Variants in C3orf33 observed in about 807,000 individuals in gnomAD.
The protein encoded by C3orf33 is mitochondrial inner membrane subdomain organizer 1.
Under a neutral mutation model 28.7 loss-of-function variants are expected in C3orf33, and 23 were observed. The ratio of observed to expected loss-of-function variants is 0.80; its 90% CI spans 0.58 to 1.13. The LOEUF (loss-of-function observed/expected upper bound fraction) is 1.13. C3orf33 is among the 50% of genes most tolerant of loss of function. The pLI, the probability that C3orf33 is intolerant of heterozygous loss-of-function variation, is 0.00. For missense variants in C3orf33, 327 were observed against 353.4 expected, an observed-to-expected ratio of 0.93 and a Z score of 0.60; for synonymous variants, 119 against 120.5, an observed-to-expected ratio of 0.99 and a Z score of 0.08.
At chr3:155,803,361 C>G (rs979737425) in intron 1 of C3orf33, among the ~76,000 whole-genome samples, 1 of 151,566 alleles carries the variant, frequency 6.6e-6, no homozygotes, top group African/African-American at 2.4e-5. Context: ...GCCAGGAGAT[C>G]GAGACCATCC....
chr3:155,775,910 A>G (rs1186776582), intron 2 of C3orf33, 62 bp from the exon 3 acceptor site: 2 of 1,242,108 alleles, frequency 1.6e-6, no homozygotes, highest in Middle Eastern at 2.6e-4. Flanking sequence ...AAAATTTAAA[A>G]TGTCAAATTA....
intron 2 of C3orf33, among the ~76,000 whole-genome samples, chr3:155,780,783 G>A (rs1018592356): frequency 6.6e-6 from 1 of 152,172 alleles, no homozygotes; most frequent in East Asian, 1.9e-4. Flanking sequence ...AAATTCTGCT[G>A]AAGGCTTCTG....
chr3:155,793,613 C>A (rs1751379953), intron 2 of C3orf33, among the ~76,000 whole-genome samples: 1 of 151,578 alleles, frequency 6.6e-6, no homozygotes, highest in Non-Finnish European at 1.5e-5. Flanking sequence ...GGTCCAAGAC[C>A]AGCCTGGCCA....
chr3:155,765,237 T>C (rs1750368696), intron 4 of C3orf33, among the ~76,000 whole-genome samples: 2 of 152,220 alleles, frequency 1.3e-5, no homozygotes, highest in African/African-American at 4.8e-5. Context: ...ATACAGGCTT[T>C]TCTTCCAGGT....
intron 2 of C3orf33, among the ~76,000 whole-genome samples, chr3:155,800,574 C>T (rs1185630912): frequency 4.2e-5 from 5 of 119,694 alleles, no homozygotes; most frequent in Admixed American, 3.4e-4. Context: ...CATGCCAGTG[C>T]ACTCTAGCCT....
chr3:155,802,566 G>A lies in C3orf33; in HGVS notation c.140C>T (p.Ala47Val), dbSNP rs755082628. Residue 47 changes from alanine (A) to valine (V), a missense_variant, in exon 2 of 5, where the codon GCT (alanine) becomes GTT (valine). Ala to Val is a moderately conservative substitution (Grantham distance 64, BLOSUM62 0). Transcript: ENST00000340171. Reference protein sequence around the residue: ...VRNISTGMAIAGIMLLLRSIR... With the variant: ...VRNISTGMAIVGIMLLLRSIR... Reference sequence around the variant, plus strand: ...GCTTCTCAAAAGTAACATTATTCCAGCTATGGCCATTCCAGTGCTGATGTT... The same window carrying A: ...GCTTCTCAAAAGTAACATTATTCCAACTATGGCCATTCCAGTGCTGATGTT... 6.2e-7 allele frequency: 1 copy of A among 1,601,414 alleles called. No individual in the cohort carries two copies. The highest frequency in any genetic ancestry group is 1.1e-5 in the South Asian group (1 of 88,240).
intron 2 of C3orf33, among the ~76,000 whole-genome samples, chr3:155,791,149 G>T (rs1751302913): frequency 2.0e-5 from 3 of 152,128 alleles, no homozygotes; most frequent in Admixed American, 1.3e-4. Flanking sequence ...GTAGGATAAG[G>T]CACTAGGCAG....
intron 4 of C3orf33, among the ~76,000 whole-genome samples, chr3:155,764,856 G>A (rs953988862): frequency 2.0e-5 from 3 of 151,750 alleles, no homozygotes; most frequent in Admixed American, 6.6e-5. Context: ...ACTCCATCTC[G>A]GGAAAATAAA....
At chr3:155,805,989 C>T in intron 1 of C3orf33, 150 bp downstream of exon 1, 1 of 553,434 alleles carries the variant, frequency 1.8e-6, no homozygotes, top group Non-Finnish European at 3.0e-6. Context: ...ACACGACACT[C>T]GCGATGTCGC....
chr3:155,785,180 T>A (rs1047932768), intron 2 of C3orf33, among the ~76,000 whole-genome samples: 1 of 151,984 alleles, frequency 6.6e-6, no homozygotes, highest in South Asian at 2.1e-4. Flanking sequence ...GAAGCCATAA[T>A]AATTATAAAT....
chr3:155,767,392 T>C, intron 4 of C3orf33, 117 bp downstream of exon 4: 1 of 701,562 alleles, frequency 1.4e-6, no homozygotes, highest in Non-Finnish European at 2.0e-6. Flanking sequence ...CAGTAGCAGT[T>C]TAAAAGGCAA....
At chr3:155,791,573 G>T (rs1228208674) in intron 2 of C3orf33, among the ~76,000 whole-genome samples, 2 of 152,010 alleles carry the variant, frequency 1.3e-5, no homozygotes, top group African/African-American at 4.8e-5. Context: ...TTCTGGATCT[G>T]CCCTGGGCCA....
chr3:155,785,830 G>A (rs1212000590), intron 2 of C3orf33, among the ~76,000 whole-genome samples: 2 of 152,014 alleles, frequency 1.3e-5, no homozygotes, highest in African/African-American at 4.8e-5. Context: ...CTTGAGCTCA[G>A]GAGTTTGAGA....
intron 1 of C3orf33, 119 bp downstream of exon 1, chr3:155,806,020 G>A: frequency 1.6e-6 from 1 of 626,756 alleles, no homozygotes; most frequent in Non-Finnish European, 2.4e-6. Context: ...TCATTCCCCC[G>A]CAGTTTTCTG....
At chr3:155,793,033 A>G (rs1649942378) in intron 2 of C3orf33, among the ~76,000 whole-genome samples, 1 of 152,146 alleles carries the variant, frequency 6.6e-6, no homozygotes, top group African/African-American at 2.4e-5. Context: ...CACAGTTAAT[A>G]ATCAAACTCT....
At chr3:155,778,141 C>CAAAAAAAAAAA (rs55700532) in intron 2 of C3orf33, among the ~76,000 whole-genome samples, 3 of 75,758 alleles carry the variant, frequency 4.0e-5, no homozygotes, top group Admixed American at 2.0e-4. Context: ...AACTCCATTT[C>CAAAAAAAAAAA]AAAAAAAAAA....
At chr3:155,774,593 C>T (rs150046353) in intron 3 of C3orf33, among the ~76,000 whole-genome samples, 1 of 151,774 alleles carries the variant, frequency 6.6e-6, no homozygotes, top group Admixed American at 6.6e-5. Flanking sequence ...GGGCCACATG[C>T]AGCCCAGGAT....
At position 155,801,085 on chromosome 3, in the gene C3orf33, G is replaced by A. The variant is rs746091047; in HGVS notation, c.174+1447C>T. ...CCCAGCACTTTGGAAGACCAAGGCC[G>A]GTGTATCACTTGAGGTCAAGAGTTC... On this transcript the variant is annotated intron_variant, in intron 2 of 4. Coordinates refer to ENST00000340171, the MANE Select transcript of C3orf33 (RefSeq NM_001308229.2). Among the ~76,000 whole-genome samples the A allele has an allele frequency of 4.2e-4, 64 of 152,028 alleles. 1 individual carries two copies. Among genetic ancestry groups the A allele is most frequent in the South Asian group, 4.1e-4 (2 of 4,822 alleles).
chr3:155,778,141 CAAAAAAAAAAAAA>C (rs55700532), intron 2 of C3orf33, among the ~76,000 whole-genome samples: 1 of 75,788 alleles, frequency 1.3e-5, no homozygotes, highest in African/African-American at 5.2e-5. Context: ...AACTCCATTT[CAAAAAAAAAAAAA>C]AAAAAAAAAC....
Sources: gnomAD v4.1 joint callset for allele counts (sites outside exome capture counted in the v4.1 genomes callset) on GRCh38, gnomAD v4.1.1 for gene constraint, MANE v1.5 for transcripts, NCBI Gene and HGNC (gene_info 2026-07-23, HGNC 2026-07-21) for gene names.